The following SNAP91 variants were observed in gnomAD, a reference collection of about 807,000 sequenced individuals.
SNAP91 encodes the protein synaptosome associated protein 91.
In SNAP91, 27 loss-of-function variants were observed where a neutral mutation model predicts 100.3. That is an observed-to-expected ratio of 0.27 (90% CI 0.20 to 0.37). SNAP91 has a LOEUF of 0.37. Ranked by LOEUF, SNAP91 falls within the 10% of genes least tolerant of loss-of-function variation. SNAP91 has a pLI of 1.00. For missense variants in SNAP91, 986 were observed against 1,123.7 expected (o/e 0.88, Z 1.75); for synonymous variants, 404 against 398.6 (o/e 1.01, Z -0.16).
At chr6:83,643,294 G>A (rs1161287602) in intron 7 of SNAP91, among the ~76,000 whole-genome samples, 1 of 152,152 alleles carries the variant, frequency 6.6e-6, no homozygotes, top group East Asian at 1.9e-4. Context: ...TATTGCCTAG[G>A]TTTTCTTCTA....
At chr6:83,671,123 A>G (rs983001442) in intron 2 of SNAP91, among the ~76,000 whole-genome samples, 14 of 151,970 alleles carry the variant, frequency 9.2e-5, no homozygotes, top group African/African-American at 3.1e-4. Flanking sequence ...TCTTAACAAT[A>G]TTGAGTTTTA....
At chr6:83,707,336 G>C (rs1390458611) in intron 2 of SNAP91, among the ~76,000 whole-genome samples, 1 of 150,906 alleles carries the variant, frequency 6.6e-6, no homozygotes, top group Non-Finnish European at 1.5e-5. Context: ...TACTACCTTA[G>C]AACTATCTGA....
intron 16 of SNAP91, among the ~76,000 whole-genome samples, chr6:83,599,865 A>G (rs1185816152): frequency 2.6e-5 from 4 of 151,928 alleles, no homozygotes; most frequent in African/African-American, 9.7e-5. Flanking sequence ...GCTCACTGTA[A>G]CCTCCACTTC....
intron 7 of SNAP91, among the ~76,000 whole-genome samples, chr6:83,651,739 T>C (rs1326354649): frequency 1.3e-5 from 2 of 152,216 alleles, no homozygotes; most frequent in Non-Finnish European, 2.9e-5. Flanking sequence ...GTAGTCTATA[T>C]AGATATATGT....
At chr6:83,673,865 A>G (rs1267636458) in intron 2 of SNAP91, among the ~76,000 whole-genome samples, 1 of 152,222 alleles carries the variant, frequency 6.6e-6, no homozygotes, top group Non-Finnish European at 1.5e-5. Flanking sequence ...TCACTTGGGA[A>G]GACTCTTTCT....
At chr6:83,590,723 A>T (rs2093624814) in intron 22 of SNAP91, among the ~76,000 whole-genome samples, 1 of 152,188 alleles carries the variant, frequency 6.6e-6, no homozygotes, top group Non-Finnish European at 1.5e-5. Flanking sequence ...CATAGACATT[A>T]CAAGACAAAA....
At chr6:83,702,939 A>G (rs1588238990) in intron 2 of SNAP91, among the ~76,000 whole-genome samples, 2 of 152,180 alleles carry the variant, frequency 1.3e-5, no homozygotes, top group Non-Finnish European at 1.5e-5. Flanking sequence ...CCCTGATCAC[A>G]TGGTCTCTTC....
chr6:83,573,583 G>A (rs1217939889), intron 26 of SNAP91, among the ~76,000 whole-genome samples: 1 of 152,134 alleles, frequency 6.6e-6, no homozygotes, highest in Non-Finnish European at 1.5e-5. Context: ...AAAACAGCAT[G>A]GTACTGGTAC....
At position 83,593,508 on chromosome 6, in the gene SNAP91, T is replaced by C. The variant is rs941954529; in HGVS notation, c.1666A>G (p.Thr556Ala). The C allele has an allele frequency of 1.6e-5, 25 of 1,552,224 alleles. No homozygotes were observed. Among genetic ancestry groups the C allele is most frequent in the Middle Eastern group, 1.7e-4 (1 of 6,016 alleles). The stretch of plus-strand genomic sequence containing the variant: ...AAGATATCTAGAGCAGGAGGAGCAG[T>C]GGTGGCGGTGGCAGCGGAGGTGGTG... ...TTTTSAATATTAPPALDIFGD... is the reference protein window; with the variant it reads ...TTTTSAATATAAPPALDIFGD... Residue 556 changes from threonine to alanine, a missense_variant, in exon 18 of 30, where the codon ACT becomes GCT. Physicochemically the swap from Thr to Ala is moderately conservative, Grantham distance 58. Transcript: ENST00000369694.
intron 11 of SNAP91, chr6:83,611,444 C>G (rs1456466132): frequency 2.2e-6 from 1 of 455,828 alleles, no homozygotes; most frequent in Non-Finnish European, 4.4e-6. Flanking sequence ...TCACATTTTA[C>G]TAACTTCAGT....
intron 2 of SNAP91, among the ~76,000 whole-genome samples, chr6:83,700,496 C>T (rs1319160004): frequency 6.6e-6 from 1 of 151,782 alleles, no homozygotes; most frequent in Non-Finnish European, 1.5e-5. Context: ...CATGCATTAT[C>T]TTATGCATTA....
rs1486151357 is a variant in SNAP91 at position 83,553,610 on chromosome 6, A to ATTTTATTAATTAT, written c.*685_*686insATAATTAATAAAA. 1.3e-5 allele frequency: 2 copies of ATTTTATTAATTAT among 152,102 alleles called. No homozygotes were observed. The highest frequency in any genetic ancestry group is 4.8e-5 in the African/African-American group (2 of 41,446). 9.4% of individuals were successfully genotyped at this position (152,102 alleles called of 1,614,324 possible). A position where few individuals can be genotyped will look rare whatever the true frequency, so the allele number is the denominator to read the frequency against. On this transcript the variant is annotated 3_prime_UTR_variant, in exon 30 of 30. Coordinates refer to ENST00000369694, the MANE Select transcript of SNAP91 (RefSeq NM_001242792.2). ...TAAAATATATATATTTTAATATAGC[A>ATTTTATTAATTAT]GTGATAAATAGGGGATTCTTCCCAT...
chr6:83,601,207 A>T, intron 16 of SNAP91, 64 bp downstream of exon 16: 1 of 1,542,960 alleles, frequency 6.5e-7, no homozygotes, highest in South Asian at 1.2e-5. Context: ...AATTTTAAAG[A>T]CCTTAACTCC....
intron 28 of SNAP91, 97 bp from the exon 29 acceptor site, chr6:83,556,342 G>GGAGAGA (rs1184252930): frequency 6.6e-4 from 13 of 19,738 alleles, no homozygotes; most frequent in East Asian, 2.3e-3. Flanking sequence ...AGGGAGAGGG[G>GGAGAGA]GAGAGAGAGA....
At chr6:83,692,269 C>T (rs1239428336) in intron 2 of SNAP91, among the ~76,000 whole-genome samples, 1 of 152,178 alleles carries the variant, frequency 6.6e-6, no homozygotes, top group Non-Finnish European at 1.5e-5. Flanking sequence ...AATGCTAGGA[C>T]TTTGGGAGGC....
intron 11 of SNAP91, among the ~76,000 whole-genome samples, chr6:83,612,894 C>CAAAAAA: frequency 1.1e-5 from 1 of 94,260 alleles, no homozygotes; most frequent in Non-Finnish European, 2.0e-5. Context: ...GACTCAGTCT[C>CAAAAAA]AAAAAAAAAA....
At position 83,672,720 on chromosome 6, in the gene SNAP91, T is replaced by C. The variant is rs142463400; in HGVS notation, c.131-7139A>G. ...AATACTTTCATACTAAAATTAATAG[T>C]AGATATTATAGGCCAATTCTCTCAA... is the stretch of plus-strand genomic sequence containing the variant. On this transcript the variant is annotated intron_variant, in intron 2 of 29. Transcript: ENST00000369694. 4.3e-3 allele frequency among the ~76,000 whole-genome samples: 652 copies of C among 152,268 alleles called. 2 individuals carry two copies. Among genetic ancestry groups the C allele is most frequent in the Middle Eastern group, 0.01 (3 of 294 alleles).
In SNAP91 at chr6:83,592,469, A is replaced by G. The variant is rs779854303; in HGVS notation, c.1916T>C (p.Ile639Thr). The G allele has an allele frequency of 3.1e-6, 5 of 1,612,024 alleles. No homozygotes were observed. Among genetic ancestry groups the G allele is most frequent in the Middle Eastern group, 1.7e-4 (1 of 6,054 alleles). The change falls in exon 21 of 30, where the codon ATA (isoleucine) becomes ACA (threonine). Residue 639 changes from isoleucine (I) to threonine (T), a missense_variant. Around this residue, in one of 4 missense-constraint regions of SNAP91, gnomAD observed 575 missense variants for 579.9 expected, o/e 0.99. Transcript: ENST00000369694. Reference protein sequence around the residue: ...SPAKVDSSGVIDLFGDAFGSS... With the variant: ...SPAKVDSSGVTDLFGDAFGSS... Reference sequence around the variant, plus strand: ...GAAATACGCACCCCCAAAAAGGTCTATGACACCTGAAGAATCCACCTTTGC... The same window carrying G: ...GAAATACGCACCCCCAAAAAGGTCTGTGACACCTGAAGAATCCACCTTTGC...
intron 8 of SNAP91, among the ~76,000 whole-genome samples, chr6:83,632,231 ATTTAAAGGTATAGTTATACC>A (rs919706895): frequency 2.6e-5 from 4 of 152,078 alleles, no homozygotes; most frequent in African/African-American, 4.8e-5. Context: ...CTAATGTATA[ATTTAAAGGTATAGTTATACC>A]TTTAAAGGTA....
Sources: gnomAD v4.1 joint callset for allele counts (sites outside exome capture counted in the v4.1 genomes callset) on GRCh38, gnomAD v4.1.1 for gene constraint, gnomAD v4.1.1 regional missense constraint, MANE v1.5 for transcripts, NCBI Gene and HGNC (gene_info 2026-07-23, HGNC 2026-07-21) for gene names.